The following PID1 variants were observed in gnomAD, a reference collection of about 807,000 sequenced individuals.
The protein encoded by PID1 is PTB-containing, cubilin and LRP1-interacting protein.
Under a neutral mutation model 19.1 loss-of-function variants are expected in PID1, and 10 were observed. The ratio of observed to expected loss-of-function variants is 0.52; its 90% CI spans 0.32 to 0.89. The LOEUF (loss-of-function observed/expected upper bound fraction) is 0.89. Ranked by LOEUF, PID1 falls within the 40% of genes least tolerant of loss-of-function variation. The pLI, the probability that PID1 is intolerant of heterozygous loss-of-function variation, is 0.03. For missense variants in PID1, 248 were observed against 285.3 expected (o/e 0.87, Z 0.94); for synonymous variants, 130 against 116.0 (o/e 1.12, Z -0.78).
chr2:229,041,884 T>C (rs1693777988), intron 2 of PID1, among the ~76,000 whole-genome samples: 1 of 152,108 alleles, frequency 6.6e-6, no homozygotes, highest in Admixed American at 6.6e-5. Flanking sequence ...AAAGATCTGC[T>C]CCAGATTAAA....
At chr2:229,057,204 G>A (rs566247504) in intron 2 of PID1, among the ~76,000 whole-genome samples, 11 of 152,046 alleles carry the variant, frequency 7.2e-5, no homozygotes, top group South Asian at 2.1e-4. Context: ...TTGGGAGGCC[G>A]AGGAGGGCAG....
intron 2 of PID1, among the ~76,000 whole-genome samples, chr2:229,117,903 TG>T (rs947868932): frequency 2.0e-5 from 3 of 152,154 alleles, no homozygotes; most frequent in Admixed American, 6.5e-5. Context: ...AATGTCCTAC[TG>T]TAGGAGCTCA....
At chr2:229,049,582 A>C (rs1553555728) in intron 2 of PID1, among the ~76,000 whole-genome samples, 1 of 152,174 alleles carries the variant, frequency 6.6e-6, no homozygotes, top group Non-Finnish European at 1.5e-5. Context: ...GTCACCTAGT[A>C]ATTTATTAGT....
intron 2 of PID1, among the ~76,000 whole-genome samples, chr2:229,080,555 A>G (rs1694649411): frequency 6.6e-6 from 1 of 152,146 alleles, no homozygotes; most frequent in Non-Finnish European, 1.5e-5. Context: ...TTCTGTGTTC[A>G]ACCCTCATAT....
intron 2 of PID1, among the ~76,000 whole-genome samples, chr2:229,040,262 T>C (rs747435823): frequency 6.0e-5 from 9 of 150,914 alleles, no homozygotes; most frequent in Non-Finnish European, 1.0e-4. Context: ...CTACTAAAAA[T>C]ACAAAAAAAA....
intron 1 of PID1, among the ~76,000 whole-genome samples, chr2:229,266,952 T>C (rs573969793): frequency 6.6e-6 from 1 of 152,290 alleles, no homozygotes; most frequent in African/African-American, 2.4e-5. Context: ...GGTCTCCAGT[T>C]GACGTTTTAG....
At chr2:229,136,203 C>A (rs1490221246) in intron 2 of PID1, among the ~76,000 whole-genome samples, 3 of 152,084 alleles carry the variant, frequency 2.0e-5, no homozygotes, top group Non-Finnish European at 4.4e-5. Context: ...GAAGCTGAAA[C>A]CATCAGTCCA....
intron 1 of PID1, among the ~76,000 whole-genome samples, chr2:229,254,410 C>T (rs1057226736): frequency 1.8e-4 from 27 of 152,108 alleles, no homozygotes; most frequent in African/African-American, 6.5e-4. Flanking sequence ...ATGCTATTAC[C>T]CAAGTCTGCG....
intron 2 of PID1, among the ~76,000 whole-genome samples, chr2:229,129,413 CA>C (rs370442954): frequency 0.017 from 1,850 of 111,032 alleles, 31 homozygotes; most frequent in African/African-American, 0.038. Flanking sequence ...GACTCCATCT[CA>C]AAAAAAAAAA....
intron 1 of PID1, among the ~76,000 whole-genome samples, chr2:229,194,372 A>G (rs1691326777): frequency 6.6e-6 from 1 of 152,012 alleles, no homozygotes; most frequent in Non-Finnish European, 1.5e-5. Context: ...TAAGAGAAAG[A>G]CAATGTCATT....
At chr2:229,201,243 A>T (rs1351787105) in intron 1 of PID1, among the ~76,000 whole-genome samples, 5 of 152,046 alleles carry the variant, frequency 3.3e-5, no homozygotes, top group Non-Finnish European at 1.5e-5. Context: ...TCATCTTCCC[A>T]AACTGAAACG....
At chr2:229,234,868 C>T (rs1271275233) in intron 1 of PID1, among the ~76,000 whole-genome samples, 2 of 152,066 alleles carry the variant, frequency 1.3e-5, no homozygotes, top group Admixed American at 6.5e-5. Flanking sequence ...TAGCATGGTG[C>T]CTGATGCTAA....
chr2:229,180,208 C>T (rs968068122), intron 1 of PID1, among the ~76,000 whole-genome samples: 5 of 152,058 alleles, frequency 3.3e-5, no homozygotes, highest in African/African-American at 1.2e-4. Context: ...ACACCTTAGG[C>T]AATGCACAGA....
At chr2:229,076,908 C>G (rs1403450555) in intron 2 of PID1, among the ~76,000 whole-genome samples, 1 of 152,152 alleles carries the variant, frequency 6.6e-6, no homozygotes, top group African/African-American at 2.4e-5. Flanking sequence ...TGGGTATATA[C>G]CCAGTAATGG....
At chr2:229,179,290 T>C (rs1690890251) in intron 1 of PID1, among the ~76,000 whole-genome samples, 1 of 152,128 alleles carries the variant, frequency 6.6e-6, no homozygotes, top group African/African-American at 2.4e-5. Flanking sequence ...ATGGCTCCCA[T>C]CAGCCCCCAG....
rs149214177 is a variant in PID1 at position 229,054,703 on chromosome 2, A to AGTGTGT, written c.178-28601_178-28596dup. ...AGCTCTAGGTAAATGACAGTAATGC[A>AGTGTGT]GTGTGTGTGTGTGTGTGGGGGGGGG... On this transcript the variant is annotated intron_variant, in intron 2 of 2. Coordinates refer to ENST00000392055, the MANE Select transcript of PID1 (RefSeq NM_001100818.2). Among the ~76,000 whole-genome samples, 332 of 44,136 alleles carry AGTGTGT rather than the reference A, an allele frequency of 7.5e-3. 38 individuals carry two copies. The highest frequency in any genetic ancestry group is 0.018 in the African/African-American group (200 of 10,910). 29.0% of individuals were successfully genotyped at this position (44,136 alleles called of 152,430 possible). A position where few individuals can be genotyped will look rare whatever the true frequency, so the allele number is the denominator to read the frequency against.
chr2:229,051,232 A>G (rs1693989348), intron 2 of PID1, among the ~76,000 whole-genome samples: 1 of 152,232 alleles, frequency 6.6e-6, no homozygotes, highest in South Asian at 2.1e-4. Flanking sequence ...AAGGAACACA[A>G]AGGTAAACAA....
At chr2:229,070,938 C>T (rs1441158101) in intron 2 of PID1, among the ~76,000 whole-genome samples, 2 of 152,268 alleles carry the variant, frequency 1.3e-5, no homozygotes, top group African/African-American at 4.8e-5. Context: ...ATCTACAAAC[C>T]TCCTAAAACA....
intron 1 of PID1, 61 bp from the exon 2 acceptor site, chr2:229,156,025 T>C (rs373138516): frequency 8.0e-6 from 12 of 1,503,538 alleles, no homozygotes; most frequent in African/African-American, 4.1e-5. Flanking sequence ...TGTCCTGCAA[T>C]TGTACATTAA....
Sources: allele counts gnomAD v4.1 joint callset (sites outside exome capture counted in the v4.1 genomes callset), GRCh38; gene constraint gnomAD v4.1.1; transcripts MANE v1.5; gene names NCBI Gene and HGNC (gene_info 2026-07-23, HGNC 2026-07-21).